The following RNF150 variants were observed in gnomAD, a reference collection of about 807,000 sequenced individuals.
RNF150 encodes ring finger protein 150.
In RNF150, 24 loss-of-function variants were observed where a neutral mutation model predicts 39.3. The ratio of observed to expected loss-of-function variants is 0.61; its 90% CI spans 0.44 to 0.86. The LOEUF (loss-of-function observed/expected upper bound fraction) is 0.86, where lower values mean the gene tolerates loss of function less well. Ranked by LOEUF, RNF150 falls within the 40% of genes least tolerant of loss-of-function variation. RNF150 has a pLI of 0.00. For synonymous variants in RNF150, 255 were observed against 227.3 expected (o/e 1.12, Z -1.10); for missense variants, 502 against 587.8 (o/e 0.85, Z 1.51).
At chr4:141,050,950 C>T (rs185690644) in intron 1 of RNF150, among the ~76,000 whole-genome samples, 1 of 152,192 alleles carries the variant, frequency 6.6e-6, no homozygotes, top group African/African-American at 2.4e-5. Flanking sequence ...CCGAGGTTCT[C>T]CCTGATGGCC....
At chr4:140,872,076 C>A (rs930382394) in intron 6 of RNF150, among the ~76,000 whole-genome samples, 14 of 152,112 alleles carry the variant, frequency 9.2e-5, no homozygotes, top group African/African-American at 3.4e-4. Flanking sequence ...TGTTTTTAAT[C>A]AAACTTGGTT....
chr4:141,163,056 G>A (rs576719943), intron 1 of RNF150, among the ~76,000 whole-genome samples: 25 of 152,334 alleles, frequency 1.6e-4, no homozygotes, highest in African/African-American at 6.0e-4. Flanking sequence ...CCACTGGCTT[G>A]AAATTCTCAT....
chr4:140,939,939 T>C (rs973459439), intron 4 of RNF150, among the ~76,000 whole-genome samples: 14 of 152,202 alleles, frequency 9.2e-5, no homozygotes, highest in African/African-American at 2.9e-4. Flanking sequence ...GCACTCCAAT[T>C]CAGACTTCTA....
intron 4 of RNF150, among the ~76,000 whole-genome samples, chr4:140,935,015 ATATAT>A (rs1330056430): frequency 0.012 from 894 of 73,836 alleles, 9 homozygotes; most frequent in African/African-American, 0.05. Flanking sequence ...ATAAATATAT[ATATAT>A]TATATATTTA....
intron 1 of RNF150, among the ~76,000 whole-genome samples, chr4:141,022,718 A>G (rs927932816): frequency 5.9e-5 from 9 of 152,224 alleles, no homozygotes; most frequent in African/African-American, 2.2e-4. Context: ...AAAAACTACC[A>G]TCAAGTTGAG....
At chr4:141,057,225 A>C (rs1380257228) in intron 1 of RNF150, among the ~76,000 whole-genome samples, 3 of 152,034 alleles carry the variant, frequency 2.0e-5, no homozygotes, top group African/African-American at 7.2e-5. Flanking sequence ...GGTAACATTC[A>C]ATAAATGTTA....
chr4:141,112,111 A>G (rs1218401691), intron 1 of RNF150, among the ~76,000 whole-genome samples: 2 of 152,212 alleles, frequency 1.3e-5, no homozygotes, highest in African/African-American at 4.8e-5. Context: ...TTATACTATG[A>G]AAACTATAAC....
chr4:141,050,832 G>A (rs1394480168), intron 1 of RNF150, among the ~76,000 whole-genome samples: 1 of 152,150 alleles, frequency 6.6e-6, no homozygotes, highest in African/African-American at 2.4e-5. Context: ...CCATTCTCAG[G>A]TCTGGAGAAT....
At position 140,930,475 on chromosome 4, in the gene RNF150, G is replaced by C. The variant is rs772494251; in HGVS notation, c.891-4402C>G. On this transcript the variant is annotated intron_variant, in intron 4 of 6. Transcript: ENST00000515673. Reference sequence around the variant, plus strand: ...TTGCTCAATTCGCTGTTGCATCTCCGGGACCTAGAACAGTTCCCGACACAC... The same window carrying C: ...TTGCTCAATTCGCTGTTGCATCTCCCGGACCTAGAACAGTTCCCGACACAC... 2.0e-5 allele frequency among the ~76,000 whole-genome samples: 3 copies of C among 152,200 alleles called. No individual in the cohort carries two copies. The South Asian group carries it at 6.2e-4, about 32-fold the overall frequency.
At chr4:141,098,854 T>C (rs1441777875) in intron 1 of RNF150, among the ~76,000 whole-genome samples, 1 of 152,148 alleles carries the variant, frequency 6.6e-6, no homozygotes, top group Non-Finnish European at 1.5e-5. Context: ...CATCAGGAAG[T>C]TTTATTAGAC....
intron 1 of RNF150, among the ~76,000 whole-genome samples, chr4:141,013,186 C>T (rs1206827673): frequency 1.3e-5 from 2 of 152,140 alleles, no homozygotes; most frequent in East Asian, 3.9e-4. Context: ...AGCCAGAGAT[C>T]CATATTGATA....
intron 1 of RNF150, among the ~76,000 whole-genome samples, chr4:141,084,696 A>C (rs1738288699): frequency 6.6e-6 from 1 of 152,222 alleles, no homozygotes; most frequent in Admixed American, 6.5e-5. Flanking sequence ...CTGGAGAACA[A>C]AGAGGTGAAA....
intron 6 of RNF150, among the ~76,000 whole-genome samples, chr4:140,879,585 G>T (rs952997337): frequency 1.3e-5 from 2 of 152,124 alleles, no homozygotes; most frequent in African/African-American, 4.8e-5. Context: ...CACTTTGGGA[G>T]GCTGAGGCAG....
At chr4:141,212,697 G>A (rs888760811) in intron 1 of RNF150, 6 of 152,202 alleles carry the variant, frequency 3.9e-5, no homozygotes, top group African/African-American at 1.4e-4. Flanking sequence ...TGGCCACAGG[G>A]CCTCTGTCTC....
chr4:141,154,960 C>A (rs1269028379), intron 1 of RNF150, among the ~76,000 whole-genome samples: 1 of 152,178 alleles, frequency 6.6e-6, no homozygotes, highest in Non-Finnish European at 1.5e-5. Context: ...AAAATAAATG[C>A]TTGGTGATGT....
At chr4:140,902,340 C>T (rs1417243018) in intron 6 of RNF150, among the ~76,000 whole-genome samples, 1 of 152,170 alleles carries the variant, frequency 6.6e-6, no homozygotes, top group Non-Finnish European at 1.5e-5. Context: ...ACAAAAGTCA[C>T]TAACTTATAA....
chr4:140,995,065 A>G (rs1379171269), intron 1 of RNF150, among the ~76,000 whole-genome samples: 1 of 152,138 alleles, frequency 6.6e-6, no homozygotes, highest in Non-Finnish European at 1.5e-5. Flanking sequence ...TGTGCTATCA[A>G]TTACTAGAAC....
chr4:141,023,498 T>A (rs1423692052), intron 1 of RNF150, among the ~76,000 whole-genome samples: 1 of 151,968 alleles, frequency 6.6e-6, no homozygotes, highest in Non-Finnish European at 1.5e-5. Flanking sequence ...AAGTGATCCA[T>A]CCTCCTTAGA....
At chr4:141,166,066 G>C (rs557309548) in intron 1 of RNF150, among the ~76,000 whole-genome samples, 1 of 151,946 alleles carries the variant, frequency 6.6e-6, no homozygotes, top group East Asian at 1.9e-4. Flanking sequence ...AACTAATAAA[G>C]AAGAAAATAG....
Sources: allele counts gnomAD v4.1 joint callset (sites outside exome capture counted in the v4.1 genomes callset), GRCh38; gene constraint gnomAD v4.1.1; transcripts MANE v1.5; gene names NCBI Gene and HGNC (gene_info 2026-07-23, HGNC 2026-07-21).